Variants in PDE10A observed in about 807,000 individuals in gnomAD.
PDE10A encodes the protein phosphodiesterase 10A, also known as cAMP and cAMP-inhibited cGMP 3',5'-cyclic phosphodiesterase 10A.
Under a neutral mutation model 97.7 loss-of-function variants are expected in PDE10A, and 39 were observed. That is an observed-to-expected ratio of 0.40 (90% confidence interval 0.31 to 0.52). The LOEUF (loss-of-function observed/expected upper bound fraction) is 0.52, where lower values mean the gene tolerates loss of function less well. PDE10A is among the 20% of genes least tolerant of loss of function. The probability of loss-of-function intolerance (pLI) is 0.56; values close to 1 mark genes in which losing one functional copy is unlikely to be tolerated. For missense variants in PDE10A, 731 were observed against 1,047.8 expected (o/e 0.70, Z 4.17); for synonymous variants, 371 against 376.8 (o/e 0.98, Z 0.18).
chr6:165,366,667 G>A (rs967989339), intron 18 of PDE10A, among the ~76,000 whole-genome samples: 1 of 152,074 alleles, frequency 6.6e-6, no homozygotes, highest in African/African-American at 2.4e-5. Context: ...GGAGAGTCTG[G>A]GGATGTCAGA....
chr6:165,815,652 C>T (rs561204521), intron 1 of PDE10A, among the ~76,000 whole-genome samples: 4 of 152,218 alleles, frequency 2.6e-5, no homozygotes, highest in South Asian at 2.1e-4. Flanking sequence ...CCTAGCAGTG[C>T]GATCTCATCT....
At chr6:165,657,004 G>C (rs1790001960) in intron 1 of PDE10A, among the ~76,000 whole-genome samples, 1 of 152,240 alleles carries the variant, frequency 6.6e-6, no homozygotes, top group Non-Finnish European at 1.5e-5. Flanking sequence ...CTTGAAGACA[G>C]GCACCATGTT....
intron 5 of PDE10A, among the ~76,000 whole-genome samples, chr6:165,440,123 G>A (rs1429171090): frequency 6.6e-6 from 1 of 152,156 alleles, no homozygotes; most frequent in East Asian, 1.9e-4. Context: ...GCACTGGATA[G>A]TAAACAAATT....
intron 3 of PDE10A, among the ~76,000 whole-genome samples, chr6:165,458,692 C>T (rs1381244088): frequency 3.3e-5 from 5 of 152,016 alleles, no homozygotes; most frequent in Non-Finnish European, 7.4e-5. Flanking sequence ...CACTCACACA[C>T]ACACACACGT....
At chr6:165,445,879 T>C (rs900390945) in intron 5 of PDE10A, among the ~76,000 whole-genome samples, 1 of 147,082 alleles carries the variant, frequency 6.8e-6, no homozygotes, top group African/African-American at 2.5e-5. Context: ...CATGGAAGAA[T>C]AGAATTCACA....
intron 1 of PDE10A, among the ~76,000 whole-genome samples, chr6:165,643,942 C>T (rs1248950126): frequency 6.6e-6 from 1 of 152,220 alleles, no homozygotes; most frequent in African/African-American, 2.4e-5. Flanking sequence ...AAGAATCACA[C>T]TGTACTTCAT....
At chr6:165,619,459 G>GTAGTGTAGTC (rs1787977028) in intron 1 of PDE10A, among the ~76,000 whole-genome samples, 1 of 17,464 alleles carries the variant, frequency 5.7e-5, no homozygotes, top group Non-Finnish European at 1.6e-4. Flanking sequence ...CTAGTGTAGT[G>GTAGTGTAGTC]TAGTCTAGTG....
At chr6:165,503,465 C>T (rs1257014830) in intron 2 of PDE10A, among the ~76,000 whole-genome samples, 1 of 152,152 alleles carries the variant, frequency 6.6e-6, no homozygotes, top group African/African-American at 2.4e-5. Flanking sequence ...CCAGCAGGAA[C>T]AACAAGAGTC....
At chr6:165,423,405 A>G (rs1788862677) in intron 10 of PDE10A, among the ~76,000 whole-genome samples, 1 of 152,190 alleles carries the variant, frequency 6.6e-6, no homozygotes, top group African/African-American at 2.4e-5. Flanking sequence ...GCGTCTGGAA[A>G]TGAGTGCAGG....
At chr6:165,587,859 C>T (rs1000558297) in intron 1 of PDE10A, among the ~76,000 whole-genome samples, 2 of 152,106 alleles carry the variant, frequency 1.3e-5, no homozygotes, top group Non-Finnish European at 2.9e-5. Flanking sequence ...CATAAAGGTC[C>T]CTGCACACAG....
chr6:165,607,589 G>A (rs555369234), intron 1 of PDE10A, among the ~76,000 whole-genome samples: 66 of 152,220 alleles, frequency 4.3e-4, no homozygotes, highest in African/African-American at 1.5e-3. Flanking sequence ...AGTGATGCAT[G>A]TCTCAGAAGG....
intron 1 of PDE10A, among the ~76,000 whole-genome samples, chr6:165,635,000 G>A (rs1788807296): frequency 6.6e-6 from 1 of 152,174 alleles, no homozygotes; most frequent in Non-Finnish European, 1.5e-5. Flanking sequence ...GAAGTGGTTG[G>A]ACTACTACTC....
At chr6:165,542,910 G>A (rs868142303) in intron 2 of PDE10A, among the ~76,000 whole-genome samples, 80 of 152,120 alleles carry the variant, frequency 5.3e-4, no homozygotes, top group African/African-American at 1.5e-3. Flanking sequence ...GAGCCACTGC[G>A]CCCAGCCAAT....
chr6:165,359,263 T>C (rs1431719678), intron 18 of PDE10A, among the ~76,000 whole-genome samples: 1 of 152,184 alleles, frequency 6.6e-6, no homozygotes, highest in Non-Finnish European at 1.5e-5. Context: ...GTTTCTCCTT[T>C]AGTATGTCAT....
intron 18 of PDE10A, among the ~76,000 whole-genome samples, chr6:165,345,497 T>C (rs190144756): frequency 5.0e-4 from 76 of 152,352 alleles, no homozygotes; most frequent in African/African-American, 1.7e-3. Flanking sequence ...CAACATTTTA[T>C]TTCTATCCAT....
chr6:165,453,592 C>T (rs1777765887), intron 3 of PDE10A, among the ~76,000 whole-genome samples: 1 of 152,234 alleles, frequency 6.6e-6, no homozygotes, highest in Non-Finnish European at 1.5e-5. Context: ...ATGTGAGCCC[C>T]AGCCACGGTT....
At chr6:165,971,326 A>T (rs1210838216) in intron 1 of PDE10A, among the ~76,000 whole-genome samples, 1 of 152,110 alleles carries the variant, frequency 6.6e-6, no homozygotes, top group African/African-American at 2.4e-5. Context: ...GCCATCCATG[A>T]TTCAATTCAG....
At chr6:165,837,912 C>G (rs898481444) in intron 1 of PDE10A, among the ~76,000 whole-genome samples, 1 of 152,096 alleles carries the variant, frequency 6.6e-6, no homozygotes, top group African/African-American at 2.4e-5. Flanking sequence ...GTCTCGATCT[C>G]CTGACCTCGT....
In PDE10A at chr6:165,728,117, C is replaced by A. The variant is rs115864221; in HGVS notation, c.-614-184549G>T. On this transcript the variant is annotated intron_variant, in intron 1 of 19. Transcript: ENST00000366882. Reference sequence around the variant, plus strand: ...TAGAGTGATGACATTGGGCAGCAGGCAGGAATTCTACCTGAGCACAATATT... The same window carrying A: ...TAGAGTGATGACATTGGGCAGCAGGAAGGAATTCTACCTGAGCACAATATT... 6.3e-3 allele frequency among the ~76,000 whole-genome samples: 958 copies of A among 152,228 alleles called. 13 individuals carry two copies. The highest frequency in any genetic ancestry group is 0.022 in the African/African-American group (930 of 41,520).
Sources: allele counts gnomAD v4.1 joint callset (sites outside exome capture counted in the v4.1 genomes callset), GRCh38; gene constraint gnomAD v4.1.1; transcripts MANE v1.5; gene names NCBI Gene and HGNC (gene_info 2026-07-23, HGNC 2026-07-21).